The following CDH13 variants were observed in gnomAD, a reference collection of about 807,000 sequenced individuals.
CDH13 encodes cadherin 13.
A neutral mutation model predicts 63.8 loss-of-function variants in CDH13; 24 were observed. That is an observed-to-expected ratio of 0.38 (90% CI 0.27 to 0.53). The LOEUF is 0.53. Ranked by LOEUF, CDH13 falls within the 20% of genes least tolerant of loss-of-function variation. The pLI, the probability that CDH13 is intolerant of heterozygous loss-of-function variation, is 0.85. For synonymous variants in CDH13, 503 were observed against 355.3 expected (o/e 1.42, Z -4.67); for missense variants, 1,049 against 903.1 (o/e 1.16, Z -2.07).
At chr16:83,154,517 A>G (rs1386235647) in intron 4 of CDH13, among the ~76,000 whole-genome samples, 6 of 151,878 alleles carry the variant, frequency 4.0e-5, no homozygotes. Flanking sequence ...CAGTGAGCCA[A>G]GATCGCACCA....
At chr16:83,513,483 T>A (rs1466966548) in intron 7 of CDH13, among the ~76,000 whole-genome samples, 1 of 152,160 alleles carries the variant, frequency 6.6e-6, no homozygotes, top group Non-Finnish European at 1.5e-5. Context: ...GAATAATTTA[T>A]AAAGGAAAGA....
intron 5 of CDH13, among the ~76,000 whole-genome samples, chr16:83,260,236 C>T (rs953938313): frequency 4.6e-5 from 7 of 151,804 alleles, no homozygotes; most frequent in Non-Finnish European, 1.0e-4. Flanking sequence ...AAATACTGGT[C>T]ATGACCTATA....
At chr16:82,635,300 T>C (rs1453379274) in intron 1 of CDH13, among the ~76,000 whole-genome samples, 1 of 152,212 alleles carries the variant, frequency 6.6e-6, no homozygotes, top group Non-Finnish European at 1.5e-5. Context: ...CCTGACAACC[T>C]GATGCTTCAG....
At chr16:83,448,966 C>A (rs2072796840) in intron 6 of CDH13, among the ~76,000 whole-genome samples, 1 of 152,108 alleles carries the variant, frequency 6.6e-6, no homozygotes, top group African/African-American at 2.4e-5. Context: ...AGAAAGAAGT[C>A]AAGTGAAGCA....
chr16:82,846,178 G>C (rs2039247771), intron 1 of CDH13, among the ~76,000 whole-genome samples: 1 of 152,172 alleles, frequency 6.6e-6, no homozygotes. Context: ...TGGAGCCTTT[G>C]TTCTTAGAGG....
At chr16:83,619,011 C>A (rs991742797) in intron 8 of CDH13, among the ~76,000 whole-genome samples, 1 of 152,114 alleles carries the variant, frequency 6.6e-6, no homozygotes, top group Non-Finnish European at 1.5e-5. Flanking sequence ...TGCTGTTGAC[C>A]GGCTCAGATC....
At chr16:83,119,010 G>A (rs114018900) in intron 3 of CDH13, among the ~76,000 whole-genome samples, 2,765 of 152,100 alleles carry the variant, frequency 0.018, 88 homozygotes, top group African/African-American at 0.062. Context: ...TTTCTTCTAT[G>A]CCAGAGTCCT....
chr16:83,054,586 C>A (rs1950918876), intron 3 of CDH13, among the ~76,000 whole-genome samples: 1 of 152,154 alleles, frequency 6.6e-6, no homozygotes, highest in African/African-American at 2.4e-5. Context: ...CAAATTATTT[C>A]TTTCTGAAGT....
At chr16:83,438,883 A>G (rs1361945435) in intron 6 of CDH13, among the ~76,000 whole-genome samples, 1 of 152,254 alleles carries the variant, frequency 6.6e-6, no homozygotes, top group Non-Finnish European at 1.5e-5. Flanking sequence ...CTGAAAACCT[A>G]CAATAACTAT....
rs944945931 is a variant in CDH13 at position 82,732,241 on chromosome 16, T to A, written c.45+105104T>A. Among the ~76,000 whole-genome samples, 8 of 152,196 alleles carry A rather than the reference T, an allele frequency of 5.3e-5. 1 individual carries two copies. Among genetic ancestry groups the A allele is most frequent in the African/African-American group, 1.9e-4 (8 of 41,450 alleles). On this transcript the variant is annotated intron_variant, in intron 1 of 13. Coordinates refer to ENST00000567109, the MANE Select transcript of CDH13 (RefSeq NM_001257.5). Reference sequence around the variant, plus strand: ...GAGTCTTACGCAGTTTGTTGAAATATTATGTTTGTAGCTGAACTGAATTGT... The same window carrying A: ...GAGTCTTACGCAGTTTGTTGAAATAATATGTTTGTAGCTGAACTGAATTGT...
chr16:82,965,334 A>G (rs16958963), intron 2 of CDH13, among the ~76,000 whole-genome samples: 24,084 of 152,196 alleles, frequency 0.16, 2,024 homozygotes, highest in Middle Eastern at 0.2. Context: ...AGGAGCCCCT[A>G]TGGAGGAGAC....
At position 83,179,481 on chromosome 16, in the gene CDH13, TAAAAAA is replaced by T. The variant is rs565547312; in HGVS notation, c.484-37848_484-37843del. On this transcript the variant is annotated intron_variant, in intron 4 of 13. Transcript: ENST00000567109. ...TAACACAGTGAAACCCCGTCTCTACTAAAAAAAAAAAAAAAAAAAAATTAGCCGGGC... is the reference window on the plus strand; with the variant it reads ...TAACACAGTGAAACCCCGTCTCTACTAAAAAAAAAAAAAAATTAGCCGGGC... Among the ~76,000 whole-genome samples the T allele has an allele frequency of 1.1e-3, 74 of 69,088 alleles. 2 individuals are homozygous for T. Among genetic ancestry groups the T allele is most frequent in the Non-Finnish European group, 1.7e-3 (60 of 36,342 alleles). The allele number at this position is 69,088 out of a possible 152,430, so 45.3% of individuals were successfully genotyped here. A position where few individuals can be genotyped will look rare whatever the true frequency, so the allele number is the denominator to read the frequency against.
intron 8 of CDH13, among the ~76,000 whole-genome samples, chr16:83,617,607 A>G (rs1909401071): frequency 6.6e-6 from 1 of 151,428 alleles, no homozygotes; most frequent in Non-Finnish European, 1.5e-5. Context: ...TAATATGTAC[A>G]TATCTTAATA....
At chr16:83,507,319 A>T (rs2074424010) in intron 7 of CDH13, among the ~76,000 whole-genome samples, 1 of 152,216 alleles carries the variant, frequency 6.6e-6, no homozygotes, top group Non-Finnish European at 1.5e-5. Context: ...TCAAAGAGGT[A>T]TTGTTATTAA....
At chr16:82,830,534 T>A (rs2038489112) in intron 1 of CDH13, among the ~76,000 whole-genome samples, 2 of 152,126 alleles carry the variant, frequency 1.3e-5, no homozygotes, top group African/African-American at 2.4e-5. Flanking sequence ...GTCGTTTGCT[T>A]GTGAATGGTG....
At chr16:83,298,605 C>T (rs965487637) in intron 5 of CDH13, among the ~76,000 whole-genome samples, 1 of 152,170 alleles carries the variant, frequency 6.6e-6, no homozygotes, top group South Asian at 2.1e-4. Flanking sequence ...AAGTAAGGAC[C>T]TGTTATTAGA....
At position 82,644,760 on chromosome 16, in the gene CDH13, C is replaced by G. The variant is rs562022904; in HGVS notation, c.45+17623C>G. On this transcript the variant is annotated intron_variant, in intron 1 of 13. Transcript: ENST00000567109. The surrounding 1 kb of genome is among the most constrained non-coding windows in gnomAD (Gnocchi z 5.7). ...GCTGGGCTCCCTCTGATTCTTAAAG[C>G]CTTTCCAGGTAGCAACAGGAGATCA... 1.3e-5 allele frequency among the ~76,000 whole-genome samples: 2 copies of G among 152,218 alleles called. No individual in the cohort carries two copies. Among genetic ancestry groups the G allele is most frequent in the East Asian group, 1.9e-4 (1 of 5,164 alleles).
intron 8 of CDH13, among the ~76,000 whole-genome samples, chr16:83,661,960 C>T (rs1017660708): frequency 1.3e-5 from 2 of 152,198 alleles, no homozygotes; most frequent in Non-Finnish European, 2.9e-5. Context: ...TTTTCTCTCT[C>T]AGTGGAATGG....
rs924850729 is a variant in CDH13 at position 83,797,000 on chromosome 16, C to T, written c.*1970C>T. 1.3e-5 allele frequency: 2 copies of T among 152,240 alleles called. No individual in the cohort carries two copies. The highest frequency in any genetic ancestry group is 2.4e-5 in the African/African-American group (1 of 41,454). The allele number at this position is 152,240 out of a possible 1,614,324, so 9.4% of individuals were successfully genotyped here. A position where few individuals can be genotyped will look rare whatever the true frequency, so the allele number is the denominator to read the frequency against. Reference sequence around the variant, plus strand: ...TTGATAGGGTCATTCTCCACGAGCACATGCCCCCGACTCAGGGACAGGGGA... The same window carrying T: ...TTGATAGGGTCATTCTCCACGAGCATATGCCCCCGACTCAGGGACAGGGGA... On this transcript the variant is annotated 3_prime_UTR_variant, in exon 14 of 14. Coordinates refer to ENST00000567109, the MANE Select transcript of CDH13 (RefSeq NM_001257.5).
Sources: allele counts gnomAD v4.1 joint callset (sites outside exome capture counted in the v4.1 genomes callset), GRCh38; gene constraint gnomAD v4.1.1; non-coding constraint Gnocchi (gnomAD v3.1); transcripts MANE v1.5; gene names NCBI Gene and HGNC (gene_info 2026-07-23, HGNC 2026-07-21).